The following MMP16 variants were observed in gnomAD, a reference collection of about 807,000 sequenced individuals.
MMP16 encodes matrix metalloproteinase-16.
A neutral mutation model predicts 67.8 loss-of-function variants in MMP16; 12 were observed. The observed-to-expected ratio is 0.18, with a 90% CI of 0.11 to 0.29. The LOEUF is 0.29. Among genes scored for constraint, MMP16 ranks in the 10% least tolerant of loss-of-function variants. The probability of loss-of-function intolerance (pLI) is 1.00; values close to 1 mark genes in which losing one functional copy is unlikely to be tolerated. For missense variants in MMP16, 475 were observed against 765.7 expected, an observed-to-expected ratio of 0.62 and a Z score of 4.48; for synonymous variants, 249 against 255.9, an observed-to-expected ratio of 0.97 and a Z score of 0.26.
chr8:88,228,028 T>C (rs1809797929), intron 1 of MMP16, among the ~76,000 whole-genome samples: 1 of 151,980 alleles, frequency 6.6e-6, no homozygotes, highest in African/African-American at 2.4e-5. Context: ...CTAATGAACA[T>C]GAAAATATTC....
intron 9 of MMP16, among the ~76,000 whole-genome samples, chr8:88,042,811 A>G (rs191156297): frequency 1.0e-3 from 157 of 152,238 alleles, no homozygotes; most frequent in Non-Finnish European, 1.8e-3. Flanking sequence ...TCCAAATTTT[A>G]TGTTTTTGTT....
At chr8:88,135,489 A>G (rs571284467) in intron 4 of MMP16, among the ~76,000 whole-genome samples, 23 of 151,940 alleles carry the variant, frequency 1.5e-4, no homozygotes, top group Non-Finnish European at 3.2e-4. Context: ...CAGTTCTATT[A>G]TGATTTTGTT....
At chr8:88,281,220 T>C (rs565834221) in intron 1 of MMP16, among the ~76,000 whole-genome samples, 13 of 152,304 alleles carry the variant, frequency 8.5e-5, no homozygotes, top group African/African-American at 2.6e-4. Flanking sequence ...ATTATATAGA[T>C]AAGGTTGTTT....
chr8:88,197,266 G>T lies in MMP16; in HGVS notation c.173C>A (p.Pro58His). The T allele has an allele frequency of 6.3e-7, 1 of 1,592,458 alleles. No individual in the cohort carries two copies. Among genetic ancestry groups the T allele is most frequent in the Non-Finnish European group, 8.5e-7 (1 of 1,169,916 alleles). The change falls in exon 2 of 10, where the codon CCC becomes CAC. Residue 58 changes from proline to histidine, a missense_variant. Coordinates refer to ENST00000286614, the MANE Select transcript of MMP16 (RefSeq NM_005941.5). ...QKYGYLPPTDPRMSVLRSAET... is the reference protein window; with the variant it reads ...QKYGYLPPTDHRMSVLRSAET... The stretch of plus-strand genomic sequence containing the variant: ...TGCAGAGCGCAGCACTGACATTCTG[G>T]GGTCAGTCGGTGGAAGGTAGCCGTA...
intron 4 of MMP16, among the ~76,000 whole-genome samples, chr8:88,158,778 C>G (rs1234029278): frequency 1.3e-5 from 2 of 152,136 alleles, no homozygotes; most frequent in African/African-American, 4.8e-5. Context: ...AGGTTTTCTT[C>G]TAGGGTTTGT....
At chr8:88,283,522 T>G (rs1810775011) in intron 1 of MMP16, among the ~76,000 whole-genome samples, 2 of 152,152 alleles carry the variant, frequency 1.3e-5, no homozygotes, top group South Asian at 2.1e-4. Context: ...TTACAGAAAC[T>G]TGACAGGGCT....
chr8:88,076,653 C>T (rs1808656778), intron 6 of MMP16, among the ~76,000 whole-genome samples: 1 of 152,024 alleles, frequency 6.6e-6, no homozygotes, highest in African/African-American at 2.4e-5. Flanking sequence ...TAAAATATGT[C>T]GGTGATATTC....
chr8:88,148,357 T>A (rs1586175044), intron 4 of MMP16, among the ~76,000 whole-genome samples: 1 of 152,230 alleles, frequency 6.6e-6, no homozygotes, highest in African/African-American at 2.4e-5. Context: ...TTCTCATTCA[T>A]GATAATGTTT....
At chr8:88,101,893 C>T (rs1025928345) in intron 6 of MMP16, among the ~76,000 whole-genome samples, 5 of 151,826 alleles carry the variant, frequency 3.3e-5, no homozygotes, top group African/African-American at 1.2e-4. Flanking sequence ...CTCTGATTCT[C>T]TTCATAATTT....
intron 8 of MMP16, among the ~76,000 whole-genome samples, chr8:88,053,466 A>G (rs1233385800): frequency 6.6e-6 from 1 of 152,132 alleles, no homozygotes; most frequent in East Asian, 1.9e-4. Context: ...CTCTTTAAGG[A>G]CTTGAATTTT....
chr8:88,138,379 A>C (rs1168708679), intron 4 of MMP16, among the ~76,000 whole-genome samples: 1 of 151,972 alleles, frequency 6.6e-6, no homozygotes, highest in Non-Finnish European at 1.5e-5. Context: ...CCTATACTCT[A>C]ATTTTCGTAG....
chr8:88,093,299 C>T (rs935668677), intron 6 of MMP16, among the ~76,000 whole-genome samples: 1 of 151,840 alleles, frequency 6.6e-6, no homozygotes, highest in Non-Finnish European at 1.5e-5. Flanking sequence ...GCTTATAATG[C>T]AGAATCTTCT....
chr8:88,252,973 T>C (rs1310184143), intron 1 of MMP16, among the ~76,000 whole-genome samples: 1 of 152,098 alleles, frequency 6.6e-6, no homozygotes, highest in Non-Finnish European at 1.5e-5. Context: ...TGGGAACTAG[T>C]TCAGATACTT....
chr8:88,252,761 G>A (rs916101670), intron 1 of MMP16, among the ~76,000 whole-genome samples: 3 of 151,654 alleles, frequency 2.0e-5, no homozygotes, highest in Non-Finnish European at 4.4e-5. Context: ...TTAGTTGTAT[G>A]ATAAAAACTA....
chr8:88,250,129 T>C (rs1201239494), intron 1 of MMP16, among the ~76,000 whole-genome samples: 1 of 152,062 alleles, frequency 6.6e-6, no homozygotes, highest in Non-Finnish European at 1.5e-5. Flanking sequence ...TTGTAAATTA[T>C]ACTATCTTAA....
At chr8:88,186,762 C>G (rs574276108) in intron 2 of MMP16, among the ~76,000 whole-genome samples, 164 bp from the exon 3 acceptor site, 1 of 152,208 alleles carries the variant, frequency 6.6e-6, no homozygotes, top group East Asian at 1.9e-4. Context: ...TTTTCTTGCA[C>G]TTTGAATCTA....
Position 88,203,165 on chromosome 8 carries a change from G to A in MMP16, c.133-5859C>T, listed in dbSNP as rs567432960. 3.8e-4 allele frequency among the ~76,000 whole-genome samples: 56 copies of A among 146,462 alleles called. 1 individual carries two copies. In the South Asian group the frequency reaches 6.5e-3, roughly 17 times the overall value. On this transcript the variant is annotated intron_variant, in intron 1 of 9. Transcript: ENST00000286614. ...TGTCACTAGGCTGGAGTGCAGTGGT[G>A]TAATCTTGGCTCACTTCAACCTCCG...
intron 1 of MMP16, among the ~76,000 whole-genome samples, chr8:88,252,956 A>G (rs1432889343): frequency 1.3e-5 from 2 of 152,120 alleles, no homozygotes; most frequent in Non-Finnish European, 2.9e-5. Context: ...ATAAATGTGC[A>G]ATTCTCTGGG....
chr8:88,043,474 G>C (rs1268386579), intron 9 of MMP16, among the ~76,000 whole-genome samples: 3 of 152,066 alleles, frequency 2.0e-5, no homozygotes, highest in Non-Finnish European at 4.4e-5. Context: ...GTAGAGACAG[G>C]GTTTCTCCAT....
Sources: allele counts gnomAD v4.1 joint callset (sites outside exome capture counted in the v4.1 genomes callset), GRCh38; gene constraint gnomAD v4.1.1; transcripts MANE v1.5; gene names NCBI Gene and HGNC (gene_info 2026-07-23, HGNC 2026-07-21).